CYRIA: variants seen among roughly 807,000 people sequenced by gnomAD.
The protein encoded by CYRIA is CYFIP related Rac1 interactor A.
Under a neutral mutation model 43.9 loss-of-function variants are expected in CYRIA, and 15 were observed. That is an observed-to-expected ratio of 0.34 (90% CI 0.23 to 0.53). CYRIA has a LOEUF of 0.53. CYRIA is among the 20% of genes least tolerant of loss of function. CYRIA has a pLI of 0.94. For synonymous variants in CYRIA, 117 were observed against 136.0 expected (o/e 0.86, Z 0.97); for missense variants, 236 against 394.2 (o/e 0.60, Z 3.40).
rs1666243525 is a variant in CYRIA at position 16,550,088 on chromosome 2, T to A, written c.*2848A>T. The A allele has an allele frequency of 6.6e-6, 1 of 151,272 alleles. No individual in the cohort carries two copies. The highest frequency in any genetic ancestry group is 1.5e-5 in the Non-Finnish European group (1 of 67,876). 9.4% of individuals were successfully genotyped at this position (151,272 alleles called of 1,614,324 possible). A position where few individuals can be genotyped will look rare whatever the true frequency, so the allele number is the denominator to read the frequency against. ...GTAATAACGCCAAAGTAGCAGTGCATCTGAGAAACATAATTTTTACCTCGT... is the reference window on the plus strand; with the variant it reads ...GTAATAACGCCAAAGTAGCAGTGCAACTGAGAAACATAATTTTTACCTCGT... On this transcript the variant is annotated 3_prime_UTR_variant, in exon 12 of 12. Coordinates refer to ENST00000381323, the MANE Select transcript of CYRIA (RefSeq NM_030797.4).
intron 3 of CYRIA, among the ~76,000 whole-genome samples, chr2:16,569,079 C>A (rs1460090532): frequency 6.6e-6 from 1 of 152,190 alleles, no homozygotes; most frequent in Non-Finnish European, 1.5e-5. Flanking sequence ...TAGAGACAAA[C>A]AAGCTGCGCT....
intron 1 of CYRIA, among the ~76,000 whole-genome samples, chr2:16,662,885 T>A (rs542564343): frequency 3.2e-4 from 48 of 152,352 alleles, no homozygotes; most frequent in African/African-American, 1.0e-3. Context: ...ATTATAAGGA[T>A]CTTTTTCCAT....
At chr2:16,601,324 T>A (rs1214170035) in intron 2 of CYRIA, among the ~76,000 whole-genome samples, 2 of 152,006 alleles carry the variant, frequency 1.3e-5, no homozygotes, top group East Asian at 3.9e-4. Context: ...TTGGGGGGGA[T>A]TCTGAGTGTG....
intron 2 of CYRIA, among the ~76,000 whole-genome samples, chr2:16,602,550 C>T (rs1668249206): frequency 6.6e-6 from 1 of 152,086 alleles, no homozygotes; most frequent in South Asian, 2.1e-4. Context: ...ACTCCATGAC[C>T]AGGTATAGTA....
At chr2:16,618,285 CTCTT>C (rs995748535) in intron 2 of CYRIA, among the ~76,000 whole-genome samples, 5 of 152,216 alleles carry the variant, frequency 3.3e-5, no homozygotes, top group Non-Finnish European at 7.3e-5. Context: ...CCAGCATCTT[CTCTT>C]TCTTTCTCTT....
chr2:16,563,428 A>G (rs1246646671), intron 5 of CYRIA, among the ~76,000 whole-genome samples: 2 of 152,118 alleles, frequency 1.3e-5, no homozygotes, highest in African/African-American at 4.8e-5. Flanking sequence ...TTCAAGATAT[A>G]CTGTATTAAC....
At chr2:16,588,566 C>T (rs1030834405) in intron 2 of CYRIA, among the ~76,000 whole-genome samples, 2 of 152,108 alleles carry the variant, frequency 1.3e-5, no homozygotes, top group African/African-American at 2.4e-5. Context: ...GCAAATGTTT[C>T]GGCTTTGCTT....
At chr2:16,602,211 A>G (rs1331826473) in intron 2 of CYRIA, among the ~76,000 whole-genome samples, 1 of 152,214 alleles carries the variant, frequency 6.6e-6, no homozygotes, top group Non-Finnish European at 1.5e-5. Flanking sequence ...GAAGACCTCT[A>G]TCAGAAGGGA....
rs551883478 is a variant in CYRIA at position 16,565,016 on chromosome 2, T to C, written c.192+630A>G. Among the ~76,000 whole-genome samples the C allele has an allele frequency of 3.9e-5, 6 of 152,320 alleles. No individual in the cohort carries two copies. The South Asian group carries it at 6.2e-4, about 16-fold the overall frequency. On this transcript the variant is annotated intron_variant, in intron 4 of 11. Transcript: ENST00000381323. ...TATTTCAACTGTTGTTCACAGACTT[T>C]ACATTGTTTCCCTTAAATGAAATAA...
At chr2:16,632,583 T>C (rs1431000462) in intron 1 of CYRIA, among the ~76,000 whole-genome samples, 1 of 152,230 alleles carries the variant, frequency 6.6e-6, no homozygotes, top group Non-Finnish European at 1.5e-5. Context: ...TTGGATACTC[T>C]GAGGTTGGTC....
chr2:16,554,193 C>T (rs1666420634), intron 11 of CYRIA, among the ~76,000 whole-genome samples: 1 of 152,068 alleles, frequency 6.6e-6, no homozygotes, highest in Non-Finnish European at 1.5e-5. Context: ...CATTATTGAT[C>T]CATCCCACTT....
intron 1 of CYRIA, among the ~76,000 whole-genome samples, chr2:16,625,236 G>A (rs573181413): frequency 1.6e-4 from 25 of 152,232 alleles, no homozygotes; most frequent in African/African-American, 5.5e-4. Flanking sequence ...GGGCTCCCAG[G>A]CCCCCAGAGG....
chr2:16,561,061 A>G lies in CYRIA; in HGVS notation c.639T>C (p.Thr213=). The G allele has an allele frequency of 1.2e-6, 2 of 1,613,706 alleles. No homozygotes were observed. Among genetic ancestry groups the G allele is most frequent in the Non-Finnish European group, 1.7e-6 (2 of 1,179,748 alleles). ...AGTCTGTGGTGTTCTCTATTGGCAGAGTTTTGTTCTAAATGGGAGACACAA... is the reference window on the plus strand; with the variant it reads ...AGTCTGTGGTGTTCTCTATTGGCAGGGTTTTGTTCTAAATGGGAGACACAA... ...ATMHFVSENK[T]LPIENTTDCL... is the part of the protein sequence containing the mutation. The change falls in exon 9 of 12, where the codon ACT becomes ACC. Residue 213 remains threonine (T), a synonymous_variant. Transcript: ENST00000381323.
intron 1 of CYRIA, among the ~76,000 whole-genome samples, chr2:16,662,861 A>C (rs943875636): frequency 6.6e-6 from 1 of 151,974 alleles, no homozygotes; most frequent in Non-Finnish European, 1.5e-5. Flanking sequence ...TTATCATACC[A>C]CCTGTCTAAC....
At chr2:16,556,207 G>A (rs1666514174) in intron 10 of CYRIA, among the ~76,000 whole-genome samples, 1 of 152,104 alleles carries the variant, frequency 6.6e-6, no homozygotes, top group East Asian at 1.9e-4. Flanking sequence ...GATAGACCCT[G>A]ATAGACTGAT....
Position 16,650,020 on chromosome 2 carries a change from ACACATTCCAAGAAG to A in CYRIA, c.-167+15746_-167+15759del, listed in dbSNP as rs770099338. The stretch of plus-strand genomic sequence containing the variant: ...CTCGATCGCTTCTGTCATGAGCATG[ACACATTCCAAGAAG>A]CACACACCCCCTCAGCCCAGGTTCC... On this transcript the variant is annotated intron_variant, in intron 1 of 11. Transcript: ENST00000381323. The surrounding 1 kb of genome is among the most constrained non-coding windows in gnomAD (Gnocchi z 4.1). Among the ~76,000 whole-genome samples the A allele has an allele frequency of 1.3e-5, 2 of 152,174 alleles. No homozygotes were observed. Among genetic ancestry groups the A allele is most frequent in the Non-Finnish European group, 2.9e-5 (2 of 68,024 alleles).
rs1422488674 is a variant in CYRIA at position 16,634,303 on chromosome 2, C to T, written c.-166-10284G>A. Reference sequence around the variant, plus strand: ...CTGCTATCTGGACTAAAACACCAGCCACACCCCTTCTCTTATATTCCAGAA... The same window carrying T: ...CTGCTATCTGGACTAAAACACCAGCTACACCCCTTCTCTTATATTCCAGAA... On this transcript the variant is annotated intron_variant, in intron 1 of 11. Transcript: ENST00000381323. Among the ~76,000 whole-genome samples the T allele has an allele frequency of 3.3e-5, 5 of 152,296 alleles. No individual in the cohort carries two copies. In the East Asian group the frequency reaches 9.7e-4, roughly 29 times the overall value.
intron 1 of CYRIA, among the ~76,000 whole-genome samples, chr2:16,637,165 G>T (rs894529241): frequency 2.0e-5 from 3 of 152,044 alleles, no homozygotes; most frequent in Non-Finnish European, 2.9e-5. Context: ...AACAGCTAAT[G>T]GATTTCTTTG....
At chr2:16,613,217 T>C (rs1033751063) in intron 2 of CYRIA, among the ~76,000 whole-genome samples, 8 of 152,134 alleles carry the variant, frequency 5.3e-5, no homozygotes, top group African/African-American at 1.9e-4. Flanking sequence ...GAGACTTCCA[T>C]GCATTTTCAG....
Sources: allele counts gnomAD v4.1 joint callset (sites outside exome capture counted in the v4.1 genomes callset), GRCh38; gene constraint gnomAD v4.1.1; non-coding constraint Gnocchi (gnomAD v3.1); transcripts MANE v1.5; gene names NCBI Gene and HGNC (gene_info 2026-07-23, HGNC 2026-07-21).